The following UGT1A10 variants were observed in gnomAD, a reference collection of about 807,000 sequenced individuals.
UGT1A10 encodes the protein UDP glucuronosyltransferase family 1 member A10.
A neutral mutation model predicts 45.8 loss-of-function variants in UGT1A10; 49 were observed. That is an observed-to-expected ratio of 1.07 (90% CI 0.85 to 1.36). The LOEUF (loss-of-function observed/expected upper bound fraction) is 1.36, where lower values mean the gene tolerates loss of function less well. Among genes scored for constraint, UGT1A10 ranks in the 40% most tolerant of loss-of-function variants. The pLI is 0.00. For missense variants in UGT1A10, 745 were observed against 668.6 expected, an observed-to-expected ratio of 1.11 and a Z score of -1.26; for synonymous variants, 284 against 249.7, an observed-to-expected ratio of 1.14 and a Z score of -1.29.
At chr2:233,753,795 C>G (rs760622704) in intron 1 of UGT1A10, 1 of 152,194 alleles carries the variant, frequency 6.6e-6, no homozygotes, top group African/African-American at 2.4e-5. Flanking sequence ...TTTCCAGGAC[C>G]TACCATAGTT....
intron 1 of UGT1A10, among the ~76,000 whole-genome samples, chr2:233,673,388 T>C (rs1238988554): frequency 6.6e-6 from 1 of 152,202 alleles, no homozygotes; most frequent in Non-Finnish European, 1.5e-5. Context: ...AATATTGATA[T>C]AGATTTAGGC....
chr2:233,705,969 G>T (rs1266037443), intron 1 of UGT1A10, among the ~76,000 whole-genome samples: 1 of 152,078 alleles, frequency 6.6e-6, no homozygotes, highest in Admixed American at 6.5e-5. Context: ...CATGCCTGTG[G>T]TTCCGGCTAC....
At chr2:233,650,784 A>C (rs1258224164) in intron 1 of UGT1A10, among the ~76,000 whole-genome samples, 1 of 152,166 alleles carries the variant, frequency 6.6e-6, no homozygotes, top group African/African-American at 2.4e-5. Context: ...TCCTATTCAG[A>C]CATGTTTTAA....
chr2:233,704,913 C>T (rs575509473), intron 1 of UGT1A10, among the ~76,000 whole-genome samples: 23 of 152,088 alleles, frequency 1.5e-4, no homozygotes, highest in Non-Finnish European at 2.9e-4. Flanking sequence ...GCAGGTGGAT[C>T]ACCTGAGACC....
intron 1 of UGT1A10, among the ~76,000 whole-genome samples, chr2:233,711,075 T>C (rs1229421312): frequency 6.6e-6 from 1 of 152,254 alleles, no homozygotes; most frequent in Admixed American, 6.5e-5. Context: ...CTTATGCTGA[T>C]GGCTCCAAGT....
chr2:233,691,147 C>T, intron 1 of UGT1A10: 3 of 985,798 alleles, frequency 3.0e-6, no homozygotes, highest in Non-Finnish European at 3.6e-6. Context: ...ATGAACTGTT[C>T]TTTGAAGGAA....
Position 233,637,131 on chromosome 2 carries a change from C to G in UGT1A10, c.609C>G (p.Phe203Leu). 1 of 1,613,960 alleles carries G rather than the reference C, an allele frequency of 6.2e-7. No individual in the cohort carries two copies. The highest frequency in any genetic ancestry group is 8.5e-7 in the Non-Finnish European group (1 of 1,179,864). Reference sequence around the variant, plus strand: ...TAGGGTTCTCAGATGCCATGACTTTCAAGGAGAGAGTATGGAACCACATCG... The same window carrying G: ...TAGGGTTCTCAGATGCCATGACTTTGAAGGAGAGAGTATGGAACCACATCG... Reference protein sequence around the residue: ...DLLGFSDAMTFKERVWNHIVH... With the variant: ...DLLGFSDAMTLKERVWNHIVH... The change falls in exon 1 of 5, where the codon TTC becomes TTG. Residue 203 changes from phenylalanine (F) to leucine (L), a missense_variant. Phe to Leu is a conservative substitution (Grantham distance 22). Transcript: ENST00000344644.
intron 1 of UGT1A10, among the ~76,000 whole-genome samples, chr2:233,711,923 C>G (rs946379005): frequency 1.3e-5 from 2 of 152,212 alleles, no homozygotes; most frequent in Admixed American, 6.5e-5. Flanking sequence ...TGCTCAGGGT[C>G]TCTCCATTAG....
intron 1 of UGT1A10, chr2:233,747,692 G>A: frequency 6.2e-7 from 1 of 1,611,132 alleles, no homozygotes; most frequent in Non-Finnish European, 8.5e-7. Context: ...GTGGGGCAGT[G>A]CTGGCTAAGT....
At chr2:233,648,327 G>T (rs563241784) in intron 1 of UGT1A10, 7 of 507,516 alleles carry the variant, frequency 1.4e-5, no homozygotes, top group Middle Eastern at 6.4e-4. Flanking sequence ...CCCTCCTCTC[G>T]GTGGTCTTCG....
rs781703246 is a variant in UGT1A10 at position 233,637,245 on chromosome 2, A to C, written c.723A>C (p.Ala241=). 5.6e-6 allele frequency: 9 copies of C among 1,613,962 alleles called. No individual in the cohort carries two copies. The highest frequency in any genetic ancestry group is 7.6e-6 in the Non-Finnish European group (9 of 1,179,864). ...ASEILQTPVT[A]YDLYSHTSIW... ...AAATTCTCCAAACCCCTGTCACGGC[A>C]TATGATCTCTACAGTCACACATCAA... Residue 241 remains alanine, a synonymous_variant, in exon 1 of 5, where the codon GCA becomes GCC. Transcript: ENST00000344644.
chr2:233,695,392 G>A (rs1456168296), intron 1 of UGT1A10, among the ~76,000 whole-genome samples: 1 of 151,516 alleles, frequency 6.6e-6, no homozygotes, highest in African/African-American at 2.4e-5. Context: ...CCAAAGTGCT[G>A]GGATTACAGG....
At chr2:233,652,698 G>T (rs568940261) in intron 1 of UGT1A10, among the ~76,000 whole-genome samples, 2 of 152,320 alleles carry the variant, frequency 1.3e-5, no homozygotes, top group African/African-American at 4.8e-5. Flanking sequence ...TTTTACTGTG[G>T]TGCCAAGACT....
intron 1 of UGT1A10, among the ~76,000 whole-genome samples, chr2:233,753,922 T>C (rs1212078671): frequency 6.6e-6 from 1 of 152,180 alleles, no homozygotes; most frequent in African/African-American, 2.4e-5. Flanking sequence ...TTCAGCTCAG[T>C]GATATGGGAT....
At chr2:233,708,402 C>T (rs1242304001) in intron 1 of UGT1A10, 4 of 152,064 alleles carry the variant, frequency 2.6e-5, no homozygotes, top group African/African-American at 9.7e-5. Flanking sequence ...TTACTTTCAT[C>T]AAGTTGTTTC....
chr2:233,646,353 C>G (rs1182911737), intron 1 of UGT1A10, among the ~76,000 whole-genome samples: 1 of 152,206 alleles, frequency 6.6e-6, no homozygotes, highest in Non-Finnish European at 1.5e-5. Flanking sequence ...TAACATTCGG[C>G]TCCTCATTAC....
At chr2:233,662,715 G>A (rs2074000633) in intron 1 of UGT1A10, among the ~76,000 whole-genome samples, 1 of 152,052 alleles carries the variant, frequency 6.6e-6, no homozygotes, top group Admixed American at 6.6e-5. Context: ...GAGGAGTGGA[G>A]CATTCAGTCT....
At chr2:233,753,630 C>T (rs897661378) in intron 1 of UGT1A10, 6 of 152,296 alleles carry the variant, frequency 3.9e-5, no homozygotes, top group Middle Eastern at 3.4e-3. Flanking sequence ...GGGCATAACC[C>T]GTGCCAACAC....
chr2:233,726,176 A>G (rs540012299), intron 1 of UGT1A10, among the ~76,000 whole-genome samples: 204 of 152,304 alleles, frequency 1.3e-3, no homozygotes, highest in African/African-American at 4.7e-3. Context: ...AAAAAAATAA[A>G]AATTTCTTTG....
Sources: gnomAD v4.1 joint callset for allele counts (sites outside exome capture counted in the v4.1 genomes callset) on GRCh38, gnomAD v4.1.1 for gene constraint, MANE v1.5 for transcripts, NCBI Gene and HGNC (gene_info 2026-07-23, HGNC 2026-07-21) for gene names.